The following ENTPD1 variants were observed in gnomAD, a reference collection of about 807,000 sequenced individuals.
The protein encoded by ENTPD1 is ATP diphosphohydrolase.
A neutral mutation model predicts 57.0 loss-of-function variants in ENTPD1; 33 were observed. The ratio of observed to expected loss-of-function variants is 0.58; its 90% CI spans 0.44 to 0.77. The LOEUF is 0.77. ENTPD1 is among the 30% of genes least tolerant of loss of function. ENTPD1 has a pLI of 0.00. For missense variants in ENTPD1, 501 were observed against 603.4 expected, an observed-to-expected ratio of 0.83 and a Z score of 1.78; for synonymous variants, 202 against 218.8, an observed-to-expected ratio of 0.92 and a Z score of 0.68.
At position 95,824,771 on chromosome 10, in the gene ENTPD1, C is replaced by A. The variant is rs78851707; in HGVS notation, c.144+1407C>A. On this transcript the variant is annotated intron_variant, in intron 2 of 9. Transcript: ENST00000371205. ...TGGTCATGGACGACCTTCCCTCATT[C>A]ACAGTGGTCTCCTTTAAGTCTCTTG... 1.6e-3 allele frequency among the ~76,000 whole-genome samples: 249 copies of A among 152,330 alleles called. 2 individuals carry two copies. Among genetic ancestry groups the A allele is most frequent in the East Asian group, 9.4e-3 (49 of 5,186 alleles).
chr10:95,771,141 G>A (rs970462469), intron 1 of ENTPD1, among the ~76,000 whole-genome samples: 17 of 152,038 alleles, frequency 1.1e-4, no homozygotes, highest in African/African-American at 3.4e-4. Context: ...ACAGTTTGTC[G>A]TGACAATTGA....
intron 2 of ENTPD1, among the ~76,000 whole-genome samples, chr10:95,825,803 C>T (rs1194117050): frequency 6.6e-6 from 1 of 152,180 alleles, no homozygotes; most frequent in Admixed American, 6.5e-5. Flanking sequence ...TGGTCTTGAT[C>T]TCCTGACCTT....
chr10:95,747,131 G>T (rs929266620), intron 1 of ENTPD1, among the ~76,000 whole-genome samples: 1 of 152,118 alleles, frequency 6.6e-6, no homozygotes, highest in Non-Finnish European at 1.5e-5. Context: ...GATTTTTGAA[G>T]TATTGCGATT....
At chr10:95,717,655 G>A (rs987861249) in intron 1 of ENTPD1, among the ~76,000 whole-genome samples, 4 of 152,112 alleles carry the variant, frequency 2.6e-5, no homozygotes, top group Non-Finnish European at 4.4e-5. Flanking sequence ...ATTCTTAGTC[G>A]GCCTAGGAAA....
At chr10:95,760,596 T>G (rs1386025050) in intron 1 of ENTPD1, among the ~76,000 whole-genome samples, 2 of 152,206 alleles carry the variant, frequency 1.3e-5, no homozygotes, top group African/African-American at 2.4e-5. Flanking sequence ...ACAGTTTTTA[T>G]AAATCATTGT....
At chr10:95,742,404 C>T (rs1008227528) in intron 1 of ENTPD1, among the ~76,000 whole-genome samples, 3 of 151,944 alleles carry the variant, frequency 2.0e-5, no homozygotes, top group African/African-American at 2.4e-5. Context: ...AACCAGCAGT[C>T]GCTACTCCTT....
rs35615283 is a variant in ENTPD1, at chr10:95,826,571, C to CAA, written c.144+3228_144+3229dup. 4.0e-4 allele frequency among the ~76,000 whole-genome samples: 43 copies of CAA among 107,950 alleles called. 1 individual carries two copies. In the East Asian group the frequency reaches 4.9e-3, roughly 12 times the overall value. The allele number at this position is 107,950 out of a possible 152,430, so 70.8% of individuals were successfully genotyped here. A position where few individuals can be genotyped will look rare whatever the true frequency, so the allele number is the denominator to read the frequency against. On this transcript the variant is annotated intron_variant, in intron 2 of 9. Transcript: ENST00000371205. ...TGGGCTACAGAGTGAGACGCCAACT[C>CAA]AAAAAAAAAAAAAAAAAAAAAATTC...
intron 1 of ENTPD1, among the ~76,000 whole-genome samples, chr10:95,800,732 A>G (rs939345995): frequency 5.3e-5 from 8 of 152,196 alleles, no homozygotes; most frequent in African/African-American, 1.9e-4. Context: ...AAGAAGAAAA[A>G]TATGGCTGTA....
intron 1 of ENTPD1, among the ~76,000 whole-genome samples, chr10:95,804,292 G>T (rs1028667297): frequency 8.6e-5 from 13 of 151,278 alleles, no homozygotes; most frequent in African/African-American, 3.1e-4. Flanking sequence ...AATTACCTTG[G>T]GCAGCATTGA....
intron 2 of ENTPD1, among the ~76,000 whole-genome samples, chr10:95,824,898 G>A (rs749414296): frequency 2.0e-5 from 3 of 152,194 alleles, no homozygotes; most frequent in Non-Finnish European, 4.4e-5. Flanking sequence ...GGCATCTGAA[G>A]TGAATCTTTT....
In ENTPD1 at chr10:95,790,980, T is replaced by C. The variant is rs181785879; in HGVS notation, c.17-32257T>C. Among the ~76,000 whole-genome samples, 14 of 152,346 alleles carry C rather than the reference T, an allele frequency of 9.2e-5. No homozygotes were observed. In the East Asian group the frequency reaches 2.5e-3, roughly 27 times the overall value. On this transcript the variant is annotated intron_variant, in intron 1 of 9. Transcript: ENST00000371205. ...GCATGCTTAGCAGATTTGCTAACAA[T>C]ACGTAGCTTTTAGTGAGACTGCAAT...
intron 1 of ENTPD1, among the ~76,000 whole-genome samples, chr10:95,747,425 C>T (rs983444789): frequency 6.6e-6 from 1 of 152,090 alleles, no homozygotes; most frequent in Non-Finnish European, 1.5e-5. Context: ...ACCAGAGTAC[C>T]ACCTCTCATG....
chr10:95,755,621 G>A (rs1369673608), upstream of ENTPD1: 3 of 1,406,156 alleles, frequency 2.1e-6, no homozygotes, highest in African/African-American at 1.4e-5. Flanking sequence ...ATAACGCAGC[G>A]TCTCCTGCAG....
intron 1 of ENTPD1, among the ~76,000 whole-genome samples, chr10:95,739,840 T>C (rs1399156424): frequency 1.3e-5 from 2 of 152,256 alleles, no homozygotes; most frequent in East Asian, 1.9e-4. Context: ...TTATGAAATG[T>C]ATTTCTTAAG....
In ENTPD1 at chr10:95,791,172, G is replaced by C. The variant is rs954374306; in HGVS notation, c.17-32065G>C. On this transcript the variant is annotated intron_variant, in intron 1 of 9. Coordinates refer to ENST00000371205, the MANE Select transcript of ENTPD1 (RefSeq NM_001776.6). The surrounding 1 kb of genome is among the most constrained non-coding windows in gnomAD (Gnocchi z 4.1). Reference sequence around the variant, plus strand: ...AGCCCTCAGTATGAGTATCTAAAATGATGAGTCATATTTAAACAGTGTTAA... The same window carrying C: ...AGCCCTCAGTATGAGTATCTAAAATCATGAGTCATATTTAAACAGTGTTAA... Among the ~76,000 whole-genome samples the C allele has an allele frequency of 2.0e-5, 3 of 152,194 alleles. No homozygotes were observed. Among genetic ancestry groups the C allele is most frequent in the African/African-American group, 7.2e-5 (3 of 41,454 alleles).
At chr10:95,731,210 T>C (rs935396286) in intron 1 of ENTPD1, among the ~76,000 whole-genome samples, 5 of 152,328 alleles carry the variant, frequency 3.3e-5, no homozygotes, top group African/African-American at 9.6e-5. Flanking sequence ...GTATTCATTC[T>C]CCATTCTCCT....
At chr10:95,707,444 C>T (rs912547892), upstream of ENTPD1, among the ~76,000 whole-genome samples, 1 of 152,202 alleles carries the variant, frequency 6.6e-6, no homozygotes, top group Non-Finnish European at 1.5e-5. Context: ...GCGGGGCCTC[C>T]CTGCTGCAGC....
intron 1 of ENTPD1, among the ~76,000 whole-genome samples, chr10:95,813,814 ATGAG>A: frequency 6.6e-6 from 1 of 152,320 alleles, no homozygotes; most frequent in South Asian, 2.1e-4. Context: ...GGCGGTATAA[ATGAG>A]AGAGTTTATA....
At chr10:95,739,101 A>G (rs1406736116) in intron 1 of ENTPD1, among the ~76,000 whole-genome samples, 1 of 152,210 alleles carries the variant, frequency 6.6e-6, no homozygotes, top group Non-Finnish European at 1.5e-5. Flanking sequence ...AAAATACTTT[A>G]TTGTTAAAAA....
Sources: allele counts gnomAD v4.1 joint callset (sites outside exome capture counted in the v4.1 genomes callset), GRCh38; gene constraint gnomAD v4.1.1; non-coding constraint Gnocchi (gnomAD v3.1); transcripts MANE v1.5; gene names NCBI Gene and HGNC (gene_info 2026-07-23, HGNC 2026-07-21).